The following ATP2B3 variants were observed in gnomAD, a reference collection of about 807,000 sequenced individuals.
The protein encoded by ATP2B3 is plasma membrane calcium-transporting ATPase 3.
In ATP2B3, 12 loss-of-function variants were observed where a neutral mutation model predicts 70.8. The ratio of observed to expected loss-of-function variants is 0.17; its 90% confidence interval spans 0.11 to 0.27. The LOEUF (loss-of-function observed/expected upper bound fraction) is 0.27, where lower values mean the gene tolerates loss of function less well. ATP2B3 is among the 10% of genes least tolerant of loss of function. ATP2B3 has a pLI of 1.00. For synonymous variants in ATP2B3, 460 were observed against 497.8 expected (o/e 0.92, Z 1.01); for missense variants, 858 against 1,118.5 (o/e 0.77, Z 3.32).
At chrX:153,540,953 T>C (rs2090270233) in intron 3 of ATP2B3, among the ~76,000 whole-genome samples, 1 of 112,431 alleles carries the variant, frequency 8.9e-6, no homozygotes, top group Non-Finnish European at 1.9e-5. Context: ...GACCTGGACA[T>C]ACCCTGCTGG....
At chrX:153,570,258 G>A (rs2090768852) in intron 21 of ATP2B3, among the ~76,000 whole-genome samples, 1 of 112,474 alleles carries the variant, frequency 8.9e-6, no homozygotes, top group Non-Finnish European at 1.9e-5. Context: ...GAACTGGAGC[G>A]GCGCTTCCAG....
chrX:153,580,609 G>C lies in ATP2B3; in HGVS notation c.*311G>C. 1 of 275,336 alleles carries C rather than the reference G, an allele frequency of 3.6e-6. No homozygotes were observed. Among genetic ancestry groups the C allele is most frequent in the Non-Finnish European group, 6.5e-6 (1 of 154,561 alleles). The allele number at this position is 275,336 out of a possible 1,213,427, so 22.7% of individuals were successfully genotyped here. A position where few individuals can be genotyped will look rare whatever the true frequency, so the allele number is the denominator to read the frequency against. ...AAGGAGGAAGGAGAAGAAGTAGAAA[G>C]TGCGAAGAGCTGAGTTCCCCACCTT... On this transcript the variant is annotated 3_prime_UTR_variant, in exon 22 of 22. Coordinates refer to ENST00000263519, the MANE Select transcript of ATP2B3 (RefSeq NM_001001344.3).
chrX:153,540,123 G>A (rs199803649), intron 3 of ATP2B3, among the ~76,000 whole-genome samples: 2 of 112,158 alleles, frequency 1.8e-5, no homozygotes, highest in East Asian at 5.6e-4. Context: ...GGGTCCTGTC[G>A]GGCAGCGTAG....
intron 17 of ATP2B3, 111 bp downstream of exon 17, chrX:153,558,414 G>A: frequency 2.4e-6 from 2 of 822,597 alleles, no homozygotes; most frequent in Non-Finnish European, 3.4e-6. Context: ...TTTTAATTGA[G>A]ATCAAATTCA....
intron 15 of ATP2B3, among the ~76,000 whole-genome samples, chrX:153,556,705 C>A (rs2090542757): frequency 8.9e-6 from 1 of 112,482 alleles, no homozygotes; most frequent in African/African-American, 3.2e-5. Flanking sequence ...TATCCTCCCA[C>A]CCTGGCCCTG....
At chrX:153,558,086 TGTGA>T (rs2090569673) in intron 16 of ATP2B3, 22 bp from the exon 17 acceptor site, 4 of 1,192,639 alleles carry the variant, frequency 3.4e-6, no homozygotes, top group Middle Eastern at 2.3e-4. Context: ...AAACACTCTG[TGTGA>T]GTGTGTGTGT....
Position 153,562,139 on chromosome X carries a change from T to C in ATP2B3, c.3056T>C (p.Val1019Ala). The C allele has an allele frequency of 8.3e-7, 1 of 1,211,082 alleles. No individual in the cohort carries two copies. Among genetic ancestry groups the C allele is most frequent in the Non-Finnish European group, 1.1e-6 (1 of 894,623 alleles). The change falls in exon 20 of 22, where the codon GTC (valine) becomes GCC (alanine). Residue 1019 changes from valine (V) to alanine (A), a missense_variant. Around this residue, in one of 5 missense-constraint regions of ATP2B3, gnomAD observed 265 missense variants for 305.3 expected, o/e 0.87. Coordinates refer to ENST00000263519, the MANE Select transcript of ATP2B3 (RefSeq NM_001001344.3). ...IVLGTFGIQI[V>A]IVQFGGKPFS... ...TCTCCCACTTGCCCTTCGCAGATTG[T>C]CATCGTCCAGTTTGGCGGGAAGCCC...
rs1241157474 is a variant in ATP2B3, at chrX:153,547,992, G to A, written c.1116G>A (p.Gly372=). 8.3e-7 allele frequency: 1 copy of A among 1,201,880 alleles called. No homozygotes were observed. The highest frequency in any genetic ancestry group is 1.7e-5 in the African/African-American group (1 of 57,361). The change falls in exon 9 of 22, where the codon GGG becomes GGA. Residue 372 remains glycine (G), a synonymous_variant. Coordinates refer to ENST00000263519, the MANE Select transcript of ATP2B3 (RefSeq NM_001001344.3). ...GKLTKLAVQI[G]KAGLVMSAIT... ...TCACAAAGCTAGCCGTGCAGATCGG[G>A]AAAGCAGGTAGGGACAGCAGGAGGT... is the stretch of plus-strand genomic sequence containing the variant.
intron 16 of ATP2B3, 56 bp from the exon 17 acceptor site, chrX:153,558,056 G>C (rs2090568924): frequency 8.9e-7 from 1 of 1,127,830 alleles, no homozygotes; most frequent in Non-Finnish European, 1.2e-6. Flanking sequence ...ATCAAGGGGG[G>C]CTGGGGAAGG....
At chrX:153,548,114 T>TCACTAAAAAA in intron 9 of ATP2B3, 115 bp downstream of exon 9, 1 of 987,713 alleles carries the variant, frequency 1.0e-6, no homozygotes, top group Non-Finnish European at 1.3e-6. Flanking sequence ...TGGCAGGTGA[T>TCACTAAAAAA]GTGTGGGCCA....
At chrX:153,546,644 CGCAGGAA>C (rs1481713381) in intron 8 of ATP2B3, among the ~76,000 whole-genome samples, 5 of 113,413 alleles carry the variant, frequency 4.4e-5, no homozygotes, top group African/African-American at 1.6e-4. Context: ...GGCTGTGAGA[CGCAGGAA>C]GCAGGAGAAG....
At chrX:153,556,606 C>T (rs1342611833) in intron 15 of ATP2B3, among the ~76,000 whole-genome samples, 188 bp downstream of exon 15, 1 of 112,185 alleles carries the variant, frequency 8.9e-6, no homozygotes, top group African/African-American at 3.2e-5. Flanking sequence ...GGGCTAGTGA[C>T]TCACTCCAAG....
chrX:153,540,280 G>A (rs1557005778), intron 3 of ATP2B3, among the ~76,000 whole-genome samples: 3 of 112,060 alleles, frequency 2.7e-5, no homozygotes, highest in Non-Finnish European at 1.9e-5. Context: ...CGACCCCTGC[G>A]AGGCCATGCA....
At chrX:153,542,171 C>T in intron 5 of ATP2B3, 152 bp from the exon 6 acceptor site, 1 of 956,088 alleles carries the variant, frequency 1.0e-6, no homozygotes, top group Non-Finnish European at 1.4e-6. Flanking sequence ...CGGGCTTTCC[C>T]CCCTACAAAG....
intron 21 of ATP2B3, 115 bp from the exon 22 acceptor site, chrX:153,579,863 C>A (rs1326911321): frequency 1.5e-6 from 1 of 668,149 alleles, no homozygotes; most frequent in African/African-American, 2.2e-5. Context: ...ACCAGCCGGC[C>A]ACTGACTGTC....
Position 153,561,038 on chromosome X carries a change from C to T in ATP2B3, c.3051+151C>T, listed in dbSNP as rs1448346009. 4 of 622,004 alleles carry T rather than the reference C, an allele frequency of 6.4e-6. No homozygotes were observed. The African/African-American group carries it at 9.0e-5, about 14-fold the overall frequency. The allele number at this position is 622,004 out of a possible 1,213,427, so 51.3% of individuals were successfully genotyped here. On this transcript the variant is annotated intron_variant, in intron 19 of 21. Coordinates refer to ENST00000263519, the MANE Select transcript of ATP2B3 (RefSeq NM_001001344.3). ...CACCTGGCTTTCCTGTAGCCCCCGTCCTCTCTGCATGTCGGAGAGGGCCTT... is the reference window on the plus strand; with the variant it reads ...CACCTGGCTTTCCTGTAGCCCCCGTTCTCTCTGCATGTCGGAGAGGGCCTT...
intron 12 of ATP2B3, among the ~76,000 whole-genome samples, chrX:153,551,425 T>C (rs1330293617): frequency 8.9e-6 from 1 of 112,294 alleles, no homozygotes; most frequent in Non-Finnish European, 1.9e-5. Context: ...GTTTGTCTTT[T>C]TATTGTTGGG....
At chrX:153,549,346 G>T in intron 10 of ATP2B3, 151 bp from the exon 11 acceptor site, 1 of 1,053,677 alleles carries the variant, frequency 9.5e-7, no homozygotes, top group Non-Finnish European at 1.3e-6. Context: ...CCTCGCTATT[G>T]GCTCAGGGCT....
At chrX:153,530,887 C>T (rs781843203) in intron 2 of ATP2B3, among the ~76,000 whole-genome samples, 1 of 112,660 alleles carries the variant, frequency 8.9e-6, no homozygotes, top group African/African-American at 3.2e-5. Flanking sequence ...TTTTCCCATC[C>T]TCCTCCCTCC....
Sources: gnomAD v4.1 joint callset for allele counts (sites outside exome capture counted in the v4.1 genomes callset) on GRCh38, gnomAD v4.1.1 for gene constraint, gnomAD v4.1.1 regional missense constraint, MANE v1.5 for transcripts, NCBI Gene and HGNC (gene_info 2026-07-23, HGNC 2026-07-21) for gene names.